SP3: variants seen among roughly 807,000 people sequenced by gnomAD.
SP3 encodes the protein transcription factor Sp3.
In SP3, 10 loss-of-function variants were observed where a neutral mutation model predicts 70.3. The ratio of observed to expected loss-of-function variants is 0.14; its 90% CI spans 0.09 to 0.24. The LOEUF is 0.24. Among genes scored for constraint, SP3 ranks in the 10% least tolerant of loss-of-function variants. The pLI, the probability that SP3 is intolerant of heterozygous loss-of-function variation, is 1.00. For synonymous variants in SP3, 402 were observed against 333.5 expected, an observed-to-expected ratio of 1.21 and a Z score of -2.24; for missense variants, 825 against 914.6, an observed-to-expected ratio of 0.90 and a Z score of 1.26.
chr2:173,955,770 C>T lies in SP3; in HGVS notation c.742G>A (p.Gly248Ser), dbSNP rs1690863224. ...GVAIGGSSFPGQTQVVANVPL... is the reference protein window; with the variant it reads ...GVAIGGSSFPSQTQVVANVPL... ...ACATTAGCAACTACTTGGGTTTGAC[C>T]AGGAAAAGATGAACCACCAATTGCA... Residue 248 changes from glycine (G) to serine (S), a missense_variant, in exon 4 of 7, where the codon GGT (glycine) becomes AGT (serine). By Grantham distance (56) the Gly-to-Ser change is moderately conservative. Coordinates refer to ENST00000310015, the MANE Select transcript of SP3 (RefSeq NM_003111.5). The T allele has an allele frequency of 6.2e-7, 1 of 1,614,140 alleles. No homozygotes were observed. Among genetic ancestry groups the T allele is most frequent in the Non-Finnish European group, 8.5e-7 (1 of 1,180,028 alleles).
chr2:173,950,053 T>C (rs1559105875), intron 4 of SP3, among the ~76,000 whole-genome samples: 1 of 152,092 alleles, frequency 6.6e-6, no homozygotes, highest in Non-Finnish European at 1.5e-5. Flanking sequence ...AACAATGAAG[T>C]TTCCTAAAAC....
intron 4 of SP3, among the ~76,000 whole-genome samples, chr2:173,925,407 C>T (rs1446488861): frequency 6.6e-6 from 1 of 151,770 alleles, no homozygotes; most frequent in Non-Finnish European, 1.5e-5. Context: ...AGGTAGTTGC[C>T]AAATGGGGGA....
intron 4 of SP3, among the ~76,000 whole-genome samples, chr2:173,927,972 A>G (rs1318730921): frequency 6.6e-6 from 1 of 152,170 alleles, no homozygotes; most frequent in Non-Finnish European, 1.5e-5. Flanking sequence ...ACACTGAACT[A>G]AAAACATTCA....
At chr2:173,956,527 TAAAACAC>T (rs1690897122) in intron 3 of SP3, among the ~76,000 whole-genome samples, 1 of 152,180 alleles carries the variant, frequency 6.6e-6, no homozygotes, top group African/African-American at 2.4e-5. Context: ...ACTACACAGT[TAAAACAC>T]AAAACAAAAC....
At chr2:173,936,660 T>C (rs1396423675) in intron 4 of SP3, among the ~76,000 whole-genome samples, 1 of 152,236 alleles carries the variant, frequency 6.6e-6, no homozygotes, top group Non-Finnish European at 1.5e-5. Flanking sequence ...TGCTGCTTCC[T>C]TTCCTTAAAT....
rs1689389244 is a variant in SP3, at chr2:173,908,568, C to T, written c.*1373G>A. ...AAATAGTGTTTTATTAACTACCACA[C>T]TGTTATAATACACTTTAAACGTACA... is the stretch of plus-strand genomic sequence containing the variant. On this transcript the variant is annotated 3_prime_UTR_variant, in exon 7 of 7. Coordinates refer to ENST00000310015, the MANE Select transcript of SP3 (RefSeq NM_003111.5). 1 of 152,398 alleles carries T rather than the reference C, an allele frequency of 6.6e-6. No homozygotes were observed. Among genetic ancestry groups the T allele is most frequent in the Admixed American group, 6.6e-5 (1 of 15,260 alleles). The allele number at this position is 152,398 out of a possible 1,614,324, so 9.4% of individuals were successfully genotyped here. A position where few individuals can be genotyped will look rare whatever the true frequency, so the allele number is the denominator to read the frequency against.
intron 4 of SP3, among the ~76,000 whole-genome samples, chr2:173,924,503 C>T (rs953338156): frequency 1.3e-5 from 2 of 152,200 alleles, no homozygotes; most frequent in African/African-American, 2.4e-5. Context: ...TGGCTAAACA[C>T]ATAAGATAAG....
Position 173,955,468 on chromosome 2 carries a change from T to C in SP3, c.1044A>G (p.Ile348Met), listed in dbSNP as rs1690850439. 5 of 1,614,188 alleles carry C rather than the reference T, an allele frequency of 3.1e-6. No homozygotes were observed. Among genetic ancestry groups the C allele is most frequent in the African/African-American group, 1.3e-5 (1 of 75,044 alleles). Residue 348 changes from isoleucine (I) to methionine (M), a missense_variant, in exon 4 of 7, where the codon ATA (isoleucine) becomes ATG (methionine). This residue lies in a region of SP3 where 678 missense variants were observed against 651.6 expected (regional missense o/e 1.04). Coordinates refer to ENST00000310015, the MANE Select transcript of SP3 (RefSeq NM_003111.5). ...QLPVTIDSTG[I>M]LQQNTNSLTT... is the part of the protein sequence containing the mutation. The stretch of plus-strand genomic sequence containing the variant: ...TCAAGCTATTTGTGTTTTGTTGTAA[T>C]ATACCTGTACTATCTATCGTAACAG...
intron 4 of SP3, among the ~76,000 whole-genome samples, chr2:173,946,261 T>TAG (rs2105488217): frequency 6.6e-6 from 1 of 152,286 alleles, no homozygotes; most frequent in Non-Finnish European, 1.5e-5. Context: ...TCATTATATA[T>TAG]TGTTTTTGTG....
intron 4 of SP3, among the ~76,000 whole-genome samples, chr2:173,937,397 T>TG (rs1347508934): frequency 6.6e-6 from 1 of 152,108 alleles, no homozygotes; most frequent in African/African-American, 2.4e-5. Flanking sequence ...AGTCAAAACT[T>TG]CATCTTCAAG....
rs111399904 is a variant in SP3 at position 173,934,340 on chromosome 2, T to C, written c.1640-15555A>G. Among the ~76,000 whole-genome samples, 173 of 152,302 alleles carry C rather than the reference T, an allele frequency of 1.1e-3. 3 individuals are homozygous for C. Among genetic ancestry groups the C allele is most frequent in the African/African-American group, 4.0e-3 (165 of 41,572 alleles). On this transcript the variant is annotated intron_variant, in intron 4 of 6. Transcript: ENST00000310015. ...TTTTAAATTCATTTTGGCCATCAAG[T>C]ACTTTAAATCCTCTTTAAAACTTTC...
intron 4 of SP3, among the ~76,000 whole-genome samples, chr2:173,953,630 C>T (rs963448922): frequency 6.6e-6 from 1 of 151,936 alleles, no homozygotes; most frequent in African/African-American, 2.4e-5. Context: ...ACCTGTAATC[C>T]CAGTTATTCA....
In SP3 at chr2:173,908,383, A is replaced by G. The variant is rs1191284196; in HGVS notation, c.*1558T>C. ...ATTAGTAAATGACCAGTGTCTCTATATATCTCTTCTTCAAATAAATGCCTG... is the reference window on the plus strand; with the variant it reads ...ATTAGTAAATGACCAGTGTCTCTATGTATCTCTTCTTCAAATAAATGCCTG... On this transcript the variant is annotated 3_prime_UTR_variant, in exon 7 of 7. Coordinates refer to ENST00000310015, the MANE Select transcript of SP3 (RefSeq NM_003111.5). 1 of 152,466 alleles carries G rather than the reference A, an allele frequency of 6.6e-6. No individual in the cohort carries two copies. The highest frequency in any genetic ancestry group is 2.4e-5 in the African/African-American group (1 of 41,428). The allele number at this position is 152,466 out of a possible 1,614,324, so 9.4% of individuals were successfully genotyped here. A position where few individuals can be genotyped will look rare whatever the true frequency, so the allele number is the denominator to read the frequency against.
In SP3 at chr2:173,909,864, T is replaced by C; in HGVS notation, c.*77A>G. ...AAATTTTTGCACATCAATAAAAAGA[T>C]ATCTAAGAACTTAGGAACAATATTC... On this transcript the variant is annotated 3_prime_UTR_variant, in exon 7 of 7. Transcript: ENST00000310015. 1.4e-6 allele frequency: 2 copies of C among 1,437,962 alleles called. No individual in the cohort carries two copies. The highest frequency in any genetic ancestry group is 2.7e-5 in the South Asian group (2 of 75,364). 89.1% of individuals were successfully genotyped at this position (1,437,962 alleles called of 1,614,324 possible).
At chr2:173,931,119 T>C (rs1690052925) in intron 4 of SP3, among the ~76,000 whole-genome samples, 1 of 152,180 alleles carries the variant, frequency 6.6e-6, no homozygotes, top group Non-Finnish European at 1.5e-5. Context: ...AGTACATTAA[T>C]TTAAAAAAAC....
chr2:173,943,647 A>G (rs1574416234), intron 4 of SP3, among the ~76,000 whole-genome samples: 2 of 152,178 alleles, frequency 1.3e-5, no homozygotes, highest in South Asian at 4.1e-4. Context: ...TATTTTCTTC[A>G]TAACACTAAT....
intron 4 of SP3, among the ~76,000 whole-genome samples, chr2:173,933,365 G>A (rs1317764548): frequency 6.6e-6 from 1 of 151,888 alleles, no homozygotes; most frequent in Admixed American, 6.6e-5. Flanking sequence ...AGGGCTAATG[G>A]CTCCCCTATA....
At chr2:173,950,144 AG>A (rs1308642029) in intron 4 of SP3, among the ~76,000 whole-genome samples, 7 of 152,260 alleles carry the variant, frequency 4.6e-5, no homozygotes, top group Admixed American at 3.3e-4. Flanking sequence ...TGATGTTTCC[AG>A]GAAGATGGAG....
chr2:173,921,503 A>G (rs567266088), intron 4 of SP3, among the ~76,000 whole-genome samples: 88 of 151,290 alleles, frequency 5.8e-4, no homozygotes, highest in African/African-American at 2.1e-3. Context: ...AGCCTGAGCC[A>G]AGAGAGAGCG....
Sources: allele counts gnomAD v4.1 joint callset (sites outside exome capture counted in the v4.1 genomes callset), GRCh38; gene constraint gnomAD v4.1.1; regional missense constraint gnomAD v4.1.1; transcripts MANE v1.5; gene names NCBI Gene and HGNC (gene_info 2026-07-23, HGNC 2026-07-21).